Variants in SMAD6 observed in about 807,000 individuals in gnomAD.
SMAD6 encodes the protein MAD homolog 6.
Under a neutral mutation model 39.4 loss-of-function variants are expected in SMAD6, and 103 were observed. The observed-to-expected ratio is 2.62, with a 90% CI of 2.23 to 3.08. The LOEUF (loss-of-function observed/expected upper bound fraction) is 3.08, where lower values mean the gene tolerates loss of function less well. SMAD6 is among the 30% of genes most tolerant of loss of function. The probability of loss-of-function intolerance (pLI) is 0.00; values close to 1 mark genes in which losing one functional copy is unlikely to be tolerated. For missense variants in SMAD6, 1,104 were observed against 742.9 expected, an observed-to-expected ratio of 1.49 and a Z score of -5.65; for synonymous variants, 445 against 353.3, an observed-to-expected ratio of 1.26 and a Z score of -2.91.
intron 3 of SMAD6, among the ~76,000 whole-genome samples, chr15:66,722,972 C>T (rs1337969100): frequency 1.3e-5 from 2 of 152,156 alleles, no homozygotes; most frequent in Non-Finnish European, 2.9e-5. Flanking sequence ...TCTCAGTTTG[C>T]TCAGCTGTAT....
At chr15:66,728,261 C>A (rs941814825) in intron 3 of SMAD6, among the ~76,000 whole-genome samples, 1 of 152,226 alleles carries the variant, frequency 6.6e-6, no homozygotes, top group South Asian at 2.1e-4. Context: ...CCCAAGTGTA[C>A]CTCAGCTCTA....
chr15:66,767,959 C>CTTTTT (rs71142337), intron 3 of SMAD6, among the ~76,000 whole-genome samples: 13 of 60,254 alleles, frequency 2.2e-4, no homozygotes, highest in African/African-American at 2.7e-4. Context: ...CAAGCTGCAT[C>CTTTTT]TTTTTTTTTT....
rs1037371789 is a variant in SMAD6, at chr15:66,781,624, C to A, written c.*89C>A. The A allele has an allele frequency of 1.7e-5, 16 of 940,082 alleles. No homozygotes were observed. The highest frequency in any genetic ancestry group is 3.4e-5 in the Admixed American group (1 of 29,444). The allele number at this position is 940,082 out of a possible 1,614,324, so 58.2% of individuals were successfully genotyped here. A position where few individuals can be genotyped will look rare whatever the true frequency, so the allele number is the denominator to read the frequency against. On this transcript the variant is annotated 3_prime_UTR_variant, in exon 4 of 4. Coordinates refer to ENST00000288840, the MANE Select transcript of SMAD6 (RefSeq NM_005585.5). ...GGGGCCGATGCCCAGAGACACAGCC[C>A]CCACGGACAAAACCCCCCAGATATC...
chr15:66,781,477 G>A lies in SMAD6; in HGVS notation c.1433G>A (p.Arg478Gln), dbSNP rs767047936. 6 of 1,599,622 alleles carry A rather than the reference G, an allele frequency of 3.8e-6. No homozygotes were observed. Among genetic ancestry groups the A allele is most frequent in the Middle Eastern group, 1.7e-4 (1 of 6,036 alleles). The change falls in exon 4 of 4, where the codon CGG (arginine) becomes CAG (glutamine). Residue 478 changes from arginine (R) to glutamine (Q), a missense_variant. Arg to Gln is a conservative substitution (Grantham distance 43). Transcript: ENST00000288840. ...AAGGGCTGGGGGCCCTGCTACTCCC[G>A]GCAGTTCATCACCTCCTGCCCCTGC... is the stretch of plus-strand genomic sequence containing the variant. ...FAKGWGPCYS[R>Q]QFITSCPCWL... is the part of the protein sequence containing the mutation.
chr15:66,719,153 CA>C (rs1459320852), intron 3 of SMAD6, among the ~76,000 whole-genome samples: 2 of 152,196 alleles, frequency 1.3e-5, no homozygotes, highest in Admixed American at 1.3e-4. Flanking sequence ...ATTGCTGGGC[CA>C]ACTGCCCATA....
intron 3 of SMAD6, among the ~76,000 whole-genome samples, chr15:66,751,020 C>T (rs1893995981): frequency 6.6e-6 from 1 of 152,208 alleles, no homozygotes; most frequent in African/African-American, 2.4e-5. Context: ...GAGACACCCC[C>T]ACCCCCTGCA....
chr15:66,749,639 T>C (rs1230746296), intron 3 of SMAD6, among the ~76,000 whole-genome samples: 3 of 151,570 alleles, frequency 2.0e-5, no homozygotes, highest in African/African-American at 7.3e-5. Flanking sequence ...TTTAATGGAG[T>C]GGAAGCTCCA....
intron 3 of SMAD6, among the ~76,000 whole-genome samples, chr15:66,770,274 G>T (rs1894358051): frequency 6.6e-6 from 1 of 152,150 alleles, no homozygotes; most frequent in African/African-American, 2.4e-5. Context: ...TTCAGGGTTG[G>T]GTTCAGTTGG....
chr15:66,725,076 G>A (rs972205814), intron 3 of SMAD6, among the ~76,000 whole-genome samples: 14 of 152,204 alleles, frequency 9.2e-5, no homozygotes, highest in African/African-American at 2.7e-4. Flanking sequence ...CGGGAACTGC[G>A]CTCGAAAGTT....
Position 66,703,828 on chromosome 15 carries a change from G to A in SMAD6, c.570G>A (p.Thr190=), listed in dbSNP as rs1338246502. ...GGCTCAAGGAGCGCTCGCTGGACACGCTGCTGGAGGCGGTGGAGTCCCGCG... is the reference window on the plus strand; with the variant it reads ...GGCTCAAGGAGCGCTCGCTGGACACACTGCTGGAGGCGGTGGAGTCCCGCG... The part of the protein sequence containing the change: ...LKRLKERSLD[T]LLEAVESRGG... The change falls in exon 1 of 4, where the codon ACG becomes ACA. Residue 190 remains threonine, a synonymous_variant. Coordinates refer to ENST00000288840, the MANE Select transcript of SMAD6 (RefSeq NM_005585.5). The A allele has an allele frequency of 4.3e-6, 6 of 1,407,364 alleles. No individual in the cohort carries two copies. The highest frequency in any genetic ancestry group is 2.9e-5 in the South Asian group (2 of 68,290). 87.2% of individuals were successfully genotyped at this position (1,407,364 alleles called of 1,614,324 possible).
intron 3 of SMAD6, among the ~76,000 whole-genome samples, chr15:66,760,614 A>G (rs1894181540): frequency 6.6e-6 from 1 of 152,206 alleles, no homozygotes; most frequent in Admixed American, 6.5e-5. Context: ...TTCATCCCAG[A>G]CACACAGCTA....
intron 1 of SMAD6, among the ~76,000 whole-genome samples, chr15:66,711,226 A>G (rs533741154): frequency 6.6e-6 from 1 of 152,364 alleles, no homozygotes; most frequent in South Asian, 2.1e-4. Flanking sequence ...CCGGTATTTT[A>G]TCCAGCAACC....
At chr15:66,754,403 C>T (rs1894061061) in intron 3 of SMAD6, among the ~76,000 whole-genome samples, 1 of 152,206 alleles carries the variant, frequency 6.6e-6, no homozygotes, top group African/African-American at 2.4e-5. Flanking sequence ...CTCCGACCAC[C>T]TTCCACTTGC....
intron 3 of SMAD6, among the ~76,000 whole-genome samples, chr15:66,760,460 A>G (rs1894178845): frequency 6.6e-6 from 1 of 152,236 alleles, no homozygotes; most frequent in Non-Finnish European, 1.5e-5. Flanking sequence ...GGTTGTTGTG[A>G]GAACTAGGTG....
Position 66,782,354 on chromosome 15 carries a change from G to A in SMAD6, c.*819G>A, listed in dbSNP as rs1567116581. On this transcript the variant is annotated 3_prime_UTR_variant, in exon 4 of 4. Transcript: ENST00000288840. ...TTGAGTTATGAGCAAGCTAAAAGAA[G>A]ACACTATTTCTCACCATTTTGTGGA... The A allele has an allele frequency of 6.4e-6, 1 of 156,054 alleles. No homozygotes were observed. Among genetic ancestry groups the A allele is most frequent in the African/African-American group, 2.4e-5 (1 of 41,634 alleles). The allele number at this position is 156,054 out of a possible 1,614,324, so 9.7% of individuals were successfully genotyped here.
At chr15:66,770,666 C>T (rs1372948457) in intron 3 of SMAD6, among the ~76,000 whole-genome samples, 2 of 152,166 alleles carry the variant, frequency 1.3e-5, no homozygotes, top group East Asian at 1.9e-4. Flanking sequence ...GGCTTTGTTA[C>T]AGAAACTGGT....
At chr15:66,742,401 C>T (rs536340694) in intron 3 of SMAD6, among the ~76,000 whole-genome samples, 1 of 152,122 alleles carries the variant, frequency 6.6e-6, no homozygotes, top group African/African-American at 2.4e-5. Context: ...GGCGCGGGAA[C>T]AAGTTACTTT....
intron 3 of SMAD6, chr15:66,717,612 C>T (rs1053261031): frequency 1.0e-5 from 4 of 381,980 alleles, no homozygotes; most frequent in Admixed American, 2.8e-5. Context: ...GCTGCCTGGC[C>T]ATTTCCCCAG....
Position 66,781,372 on chromosome 15 carries a change from G to A in SMAD6, c.1328G>A (p.Arg443His), listed in dbSNP as rs554980660. ...TCCATCAAGGTGTTCGACTTCGAGCGCTCGGGCCTGCAGCACGCGCCCGAG... is the reference window on the plus strand; with the variant it reads ...TCCATCAAGGTGTTCGACTTCGAGCACTCGGGCCTGCAGCACGCGCCCGAG... ...GYSIKVFDFERSGLQHAPEPD... is the reference protein window; with the variant it reads ...GYSIKVFDFEHSGLQHAPEPD... Residue 443 changes from arginine (R) to histidine (H), a missense_variant, in exon 4 of 4, where the codon CGC (arginine) becomes CAC (histidine). Transcript: ENST00000288840. The A allele has an allele frequency of 1.9e-6, 3 of 1,600,442 alleles. No homozygotes were observed. The highest frequency in any genetic ancestry group is 2.5e-6 in the Non-Finnish European group (3 of 1,176,504).
Sources: gnomAD v4.1 joint callset for allele counts (sites outside exome capture counted in the v4.1 genomes callset) on GRCh38, gnomAD v4.1.1 for gene constraint, MANE v1.5 for transcripts, NCBI Gene and HGNC (gene_info 2026-07-23, HGNC 2026-07-21) for gene names.